The following VSIG10L2 variants were observed in gnomAD, a reference collection of about 807,000 sequenced individuals.
VSIG10L2 encodes V-set and immunoglobulin domain-containing protein 10-like 2.
Under a neutral mutation model 67.1 loss-of-function variants are expected in VSIG10L2, and 56 were observed. That is an observed-to-expected ratio of 0.83 (90% CI 0.67 to 1.04). VSIG10L2 has a LOEUF of 1.04. VSIG10L2 is among the 50% of genes least tolerant of loss of function. VSIG10L2 has a pLI of 0.00. For missense variants in VSIG10L2, 843 were observed against 932.8 expected (o/e 0.90, Z 1.25); for synonymous variants, 360 against 396.6 (o/e 0.91, Z 1.10).
At chr11:125,951,585 GTCTT>G (rs1175116948) in intron 5 of VSIG10L2, among the ~76,000 whole-genome samples, 2 of 152,226 alleles carry the variant, frequency 1.3e-5, no homozygotes, top group Admixed American at 6.5e-5. Context: ...CAGGGAGTTT[GTCTT>G]TCTGTCTATA....
At chr11:125,955,560 A>C in intron 10 of VSIG10L2, 54 bp downstream of exon 10, 2 of 1,445,290 alleles carry the variant, frequency 1.4e-6, no homozygotes, top group Non-Finnish European at 1.9e-6. Context: ...CCAGTTGGAA[A>C]GGAAAGCGAG....
chr11:125,952,149 T>C (rs940762856), intron 6 of VSIG10L2, 76 bp downstream of exon 6: 13 of 1,449,604 alleles, frequency 9.0e-6, no homozygotes, highest in Middle Eastern at 1.8e-4. Flanking sequence ...TAAAGAGATC[T>C]TAGGGGGTGG....
intron 3 of VSIG10L2, 85 bp downstream of exon 3, chr11:125,948,665 C>T: frequency 1.7e-6 from 2 of 1,208,470 alleles, no homozygotes; most frequent in Non-Finnish European, 2.1e-6. Context: ...CAGAACTCCC[C>T]AAATCCCTCC....
intron 4 of VSIG10L2, 140 bp from the exon 5 acceptor site, chr11:125,950,770 C>T: frequency 1.3e-6 from 1 of 786,116 alleles, no homozygotes; most frequent in Non-Finnish European, 1.7e-6. Context: ...CTCAGAGAGA[C>T]TCAATCTTTC....
rs1360145288 is a variant in VSIG10L2, at chr11:125,953,536, C to T, written c.1632C>T (p.Asp544=). The T allele has an allele frequency of 6.5e-6, 8 of 1,232,134 alleles. No individual in the cohort carries two copies. The African/African-American group carries it at 7.8e-5, about 12-fold the overall frequency. 76.3% of individuals were successfully genotyped at this position (1,232,134 alleles called of 1,614,324 possible). A position where few individuals can be genotyped will look rare whatever the true frequency, so the allele number is the denominator to read the frequency against. Residue 544 remains aspartate, a synonymous_variant, in exon 7 of 12, where the codon GAC becomes GAT. Coordinates refer to ENST00000686984, the MANE Select transcript of VSIG10L2 (RefSeq NM_001365077.2). ...LWLGPQQQKV[D]PGTSGFMLHP... ...TGGGGCCTCAACAACAAAAAGTGGA[C>T]CCCGGCACTTCAGGATTCATGCTGC...
Position 125,956,090 on chromosome 11 carries a change from T to C in VSIG10L2, c.*176T>C, listed in dbSNP as rs1197035623. 5.8e-6 allele frequency: 4 copies of C among 688,470 alleles called. No homozygotes were observed. The highest frequency in any genetic ancestry group is 2.8e-5 in the East Asian group (1 of 36,246). 42.6% of individuals were successfully genotyped at this position (688,470 alleles called of 1,614,324 possible). Reference sequence around the variant, plus strand: ...CCAGCTGCAGTGTCCCTAAGTGACATGGTTACAAGAGAAGCCCTGGCCCAC... The same window carrying C: ...CCAGCTGCAGTGTCCCTAAGTGACACGGTTACAAGAGAAGCCCTGGCCCAC... On this transcript the variant is annotated 3_prime_UTR_variant, in exon 12 of 12. Coordinates refer to ENST00000686984, the MANE Select transcript of VSIG10L2 (RefSeq NM_001365077.2).
At position 125,946,993 on chromosome 11, in the gene VSIG10L2, G is replaced by A. The variant is rs944532142; in HGVS notation, c.83-693G>A. On this transcript the variant is annotated intron_variant, in intron 1 of 11. Coordinates refer to ENST00000686984, the MANE Select transcript of VSIG10L2 (RefSeq NM_001365077.2). This position sits in a 1 kb window ranked among gnomAD's most constrained non-coding sequence, Gnocchi z 4.4. Reference sequence around the variant, plus strand: ...CCTGAGCCGAGAACACCTGTTAAGTGACTTACTCCACAGGAACTACTTAAT... The same window carrying A: ...CCTGAGCCGAGAACACCTGTTAAGTAACTTACTCCACAGGAACTACTTAAT... 2.6e-5 allele frequency among the ~76,000 whole-genome samples: 4 copies of A among 152,180 alleles called. No individual in the cohort carries two copies. The highest frequency in any genetic ancestry group is 5.9e-5 in the Non-Finnish European group (4 of 68,026).
chr11:125,954,444 C>T, intron 8 of VSIG10L2, 61 bp downstream of exon 8: 1 of 1,214,388 alleles, frequency 8.2e-7, no homozygotes, highest in South Asian at 4.2e-5. Flanking sequence ...CCTGGTTCAT[C>T]TTCCTCTTCA....
Position 125,953,392 on chromosome 11 carries a change from C to G in VSIG10L2, c.1496-8C>G. Reference sequence around the variant, plus strand: ...CACTAGCCGGCCTCATCCTCTCTGTCCCCGCAGAAGCCCCACAGCTGGACG... The same window carrying G: ...CACTAGCCGGCCTCATCCTCTCTGTGCCCGCAGAAGCCCCACAGCTGGACG... On this transcript the variant is annotated splice_polypyrimidine_tract_variant and splice_region_variant and intron_variant, in intron 6 of 11. Coordinates refer to ENST00000686984, the MANE Select transcript of VSIG10L2 (RefSeq NM_001365077.2). The G allele has an allele frequency of 3.2e-6, 4 of 1,232,516 alleles. No homozygotes were observed. Among genetic ancestry groups the G allele is most frequent in the Non-Finnish European group, 4.0e-6 (4 of 988,236 alleles). The allele number at this position is 1,232,516 out of a possible 1,614,324, so 76.3% of individuals were successfully genotyped here. A position where few individuals can be genotyped will look rare whatever the true frequency, so the allele number is the denominator to read the frequency against.
rs571218190 is a variant in VSIG10L2 at position 125,955,877 on chromosome 11, C to T, written c.2345C>T (p.Pro782Leu). 5.4e-5 allele frequency: 37 copies of T among 690,890 alleles called. No individual in the cohort carries two copies. In the African/African-American group the frequency reaches 5.4e-4, roughly 10 times the overall value. The allele number at this position is 690,890 out of a possible 1,614,324, so 42.8% of individuals were successfully genotyped here. A position where few individuals can be genotyped will look rare whatever the true frequency, so the allele number is the denominator to read the frequency against. The change falls in exon 12 of 12, where the codon CCA (proline) becomes CTA (leucine). Residue 782 changes from proline (P) to leucine (L), a missense_variant. Pro to Leu is a moderately conservative substitution (Grantham distance 98). This residue lies in a region of VSIG10L2 where 397 missense variants were observed against 384.4 expected (regional missense o/e 1.03). Transcript: ENST00000686984. ...LDPAQETTDS[P>L]VNVTITVTAT... ...CCTGCACAAGAAACCACGGATTCTCCAGTGAATGTCACCATCACAGTGACT... is the reference window on the plus strand; with the variant it reads ...CCTGCACAAGAAACCACGGATTCTCTAGTGAATGTCACCATCACAGTGACT...
Position 125,953,446 on chromosome 11 carries a change from G to T in VSIG10L2, c.1542G>T (p.Glu514Asp), listed in dbSNP as rs1326516259. The T allele has an allele frequency of 6.5e-6, 8 of 1,232,178 alleles. No homozygotes were observed. The highest frequency in any genetic ancestry group is 7.1e-6 in the Non-Finnish European group (7 of 988,084). The allele number at this position is 1,232,178 out of a possible 1,614,324, so 76.3% of individuals were successfully genotyped here. The change falls in exon 7 of 12, where the codon GAG becomes GAT. Residue 514 changes from glutamate to aspartate, a missense_variant. Glu to Asp is a conservative substitution (Grantham distance 45, BLOSUM62 2). This residue lies in a region of VSIG10L2 where 397 missense variants were observed against 384.4 expected (regional missense o/e 1.03). Coordinates refer to ENST00000686984, the MANE Select transcript of VSIG10L2 (RefSeq NM_001365077.2). ...DVAEPRVSVL[E>D]GGEAWLECSL... ...CTGAGCCCCGCGTGTCAGTGTTGGA[G>T]GGGGGAGAGGCCTGGCTGGAGTGCT...
At chr11:125,951,714 A>T in intron 5 of VSIG10L2, 99 bp from the exon 6 acceptor site, 1 of 1,214,974 alleles carries the variant, frequency 8.2e-7, no homozygotes, top group Non-Finnish European at 1.1e-6. Flanking sequence ...TAATGAAGGA[A>T]GGAGGGAGTG....
At chr11:125,952,897 A>T (rs34704249) in intron 6 of VSIG10L2, among the ~76,000 whole-genome samples, 30,981 of 152,244 alleles carry the variant, frequency 0.2, 3,378 homozygotes, top group East Asian at 0.42. Context: ...GGAGGTCTCA[A>T]CCCCAAATAT....
chr11:125,953,183 G>A (rs1945401455), intron 6 of VSIG10L2, among the ~76,000 whole-genome samples: 2 of 152,158 alleles, frequency 1.3e-5, no homozygotes, highest in South Asian at 4.1e-4. Context: ...GAGGAACACT[G>A]CTGATTTCAT....
rs116734250 is a variant in VSIG10L2 at position 125,951,883 on chromosome 11, C to G, written c.1305C>G (p.Cys435Trp). The change falls in exon 6 of 12, where the codon TGC (cysteine) becomes TGG (tryptophan). Residue 435 changes from cysteine to tryptophan, a missense_variant. Cys to Trp is a radical substitution (Grantham distance 215). Coordinates refer to ENST00000686984, the MANE Select transcript of VSIG10L2 (RefSeq NM_001365077.2). ...GGGACCAGTTCATCATGCTGAGCTG[C>G]GAGTGGCCTGGCGGCGAGCCCCCTG... ...TMGDQFIMLS[C>W]EWPGGEPPAT... is the part of the protein sequence containing the mutation. 3 of 1,534,434 alleles carry G rather than the reference C, an allele frequency of 2.0e-6. No individual in the cohort carries two copies. The highest frequency in any genetic ancestry group is 2.7e-5 in the African/African-American group (2 of 73,018).
rs1193118208 is a variant in VSIG10L2, at chr11:125,956,118, T to G, written c.*204T>G. ...TTACAAGAGAAGCCCTGGCCCACCTTGTGGAAGACAGAGGTGGCAGGACAA... is the reference window on the plus strand; with the variant it reads ...TTACAAGAGAAGCCCTGGCCCACCTGGTGGAAGACAGAGGTGGCAGGACAA... On this transcript the variant is annotated 3_prime_UTR_variant, in exon 12 of 12. Coordinates refer to ENST00000686984, the MANE Select transcript of VSIG10L2 (RefSeq NM_001365077.2). 1.5e-6 allele frequency: 1 copy of G among 675,908 alleles called. No homozygotes were observed. The highest frequency in any genetic ancestry group is 2.7e-6 in the Non-Finnish European group (1 of 369,138). The allele number at this position is 675,908 out of a possible 1,614,324, so 41.9% of individuals were successfully genotyped here. A position where few individuals can be genotyped will look rare whatever the true frequency, so the allele number is the denominator to read the frequency against.
At chr11:125,948,741 G>C (rs997868440) in intron 3 of VSIG10L2, among the ~76,000 whole-genome samples, 161 bp downstream of exon 3, 1 of 152,288 alleles carries the variant, frequency 6.6e-6, no homozygotes, top group Non-Finnish European at 1.5e-5. Flanking sequence ...CCGTGCCCCT[G>C]CTGCCCACTG....
intron 6 of VSIG10L2, among the ~76,000 whole-genome samples, chr11:125,952,827 A>G (rs1355522201): frequency 6.6e-6 from 1 of 152,270 alleles, no homozygotes; most frequent in African/African-American, 2.4e-5. Flanking sequence ...CAGTTCTCAC[A>G]GAATGCTTTA....
rs750173941 is a variant in VSIG10L2, at chr11:125,951,896, G to GGCGAGCCCCCTGCCA, written c.1319_1333dup (p.Ala444_Thr445insSerGluProProAla). On this transcript the variant is annotated inframe_insertion, in exon 6 of 12. Coordinates refer to ENST00000686984, the MANE Select transcript of VSIG10L2 (RefSeq NM_001365077.2). Reference sequence around the variant, plus strand: ...CATGCTGAGCTGCGAGTGGCCTGGCGGCGAGCCCCCTGCCACGCTGGGCTG... The same window carrying GGCGAGCCCCCTGCCA: ...CATGCTGAGCTGCGAGTGGCCTGGCGGCGAGCCCCCTGCCAGCGAGCCCCCTGCCACGCTGGGCTG... 5.9e-4 allele frequency: 901 copies of GGCGAGCCCCCTGCCA among 1,535,272 alleles called. 1 individual carries two copies. Among genetic ancestry groups the GGCGAGCCCCCTGCCA allele is most frequent in the Non-Finnish European group, 6.6e-4 (751 of 1,146,382 alleles).
Sources: gnomAD v4.1 joint callset for allele counts (sites outside exome capture counted in the v4.1 genomes callset) on GRCh38, gnomAD v4.1.1 for gene constraint, gnomAD v4.1.1 regional missense constraint, Gnocchi (gnomAD v3.1) non-coding constraint, MANE v1.5 for transcripts, NCBI Gene and HGNC (gene_info 2026-07-23, HGNC 2026-07-21) for gene names.